Variants in CDYL observed in about 807,000 individuals in gnomAD.
CDYL encodes the protein chromodomain Y like, also known as chromodomain Y-like protein.
In CDYL, 8 loss-of-function variants were observed where a neutral mutation model predicts 47.3. The ratio of observed to expected loss-of-function variants is 0.17; its 90% confidence interval spans 0.10 to 0.31. The LOEUF is 0.31. Among genes scored for constraint, CDYL ranks in the 10% least tolerant of loss-of-function variants. CDYL has a pLI of 1.00. For missense variants in CDYL, 471 were observed against 701.4 expected, an observed-to-expected ratio of 0.67 and a Z score of 3.71; for synonymous variants, 266 against 265.0, an observed-to-expected ratio of 1.00 and a Z score of -0.04.
intron 1 of CDYL, among the ~76,000 whole-genome samples, chr6:4,794,927 A>ATC (rs1759027874): frequency 6.6e-6 from 1 of 152,104 alleles, no homozygotes; most frequent in Non-Finnish European, 1.5e-5. Flanking sequence ...TTAGATTTAT[A>ATC]TGTAGACAAT....
intron 1 of CDYL, among the ~76,000 whole-genome samples, chr6:4,881,609 G>T (rs1419571093): frequency 6.6e-6 from 1 of 152,090 alleles, no homozygotes; most frequent in Non-Finnish European, 1.5e-5. Flanking sequence ...TTTCTTATTT[G>T]TGCTATTGTT....
intron 2 of CDYL, among the ~76,000 whole-genome samples, chr6:4,716,246 CAAA>C (rs35962503): frequency 0.31 from 37,653 of 121,028 alleles, 5,100 homozygotes; most frequent in African/African-American, 0.39. Context: ...GACTCCATCT[CAAA>C]AAAAAAAAAA....
rs372821290 is a variant in CDYL at position 4,954,682 on chromosome 6, A to G, written c.*626A>G. The G allele has an allele frequency of 2.6e-5, 4 of 152,512 alleles. No homozygotes were observed. The highest frequency in any genetic ancestry group is 6.5e-5 in the Admixed American group (1 of 15,284). 9.4% of individuals were successfully genotyped at this position (152,512 alleles called of 1,614,324 possible). On this transcript the variant is annotated 3_prime_UTR_variant, in exon 7 of 7. Coordinates refer to ENST00000397588, the MANE Select transcript of CDYL (RefSeq NM_004824.4). The stretch of plus-strand genomic sequence containing the variant: ...GCTTAGGATTCATGCTGAGATATCA[A>G]TTGGTTTCCCCTTCTTTTTAAAATA...
chr6:4,836,792 G>C (rs1240501788), intron 1 of CDYL, among the ~76,000 whole-genome samples: 1 of 152,202 alleles, frequency 6.6e-6, no homozygotes, highest in Non-Finnish European at 1.5e-5. Context: ...GTGCGAGGAA[G>C]GGCAGTGAGT....
intron 1 of CDYL, among the ~76,000 whole-genome samples, chr6:4,706,915 C>A (rs1757056164): frequency 6.6e-6 from 1 of 152,132 alleles, no homozygotes; most frequent in Non-Finnish European, 1.5e-5. Context: ...AGTGGGGACT[C>A]GCCAAAAGCT....
rs538727289 is a variant in CDYL at position 4,779,817 on chromosome 6, C to A, written c.24+3010C>A. On this transcript the variant is annotated intron_variant, in intron 1 of 6. Transcript: ENST00000397588. ...GTTATATTATGGTCTTTGTTGCAAC[C>A]ACTCAGCTCACCTCATGTAGTGCAA... Among the ~76,000 whole-genome samples the A allele has an allele frequency of 7.9e-5, 12 of 152,280 alleles. No individual in the cohort carries two copies. In the East Asian group the frequency reaches 2.3e-3, roughly 29 times the overall value.
chr6:4,852,398 C>G (rs1313501456), intron 1 of CDYL, among the ~76,000 whole-genome samples: 1 of 123,434 alleles, frequency 8.1e-6, no homozygotes, highest in Non-Finnish European at 1.6e-5. Flanking sequence ...TCCTTCCTTC[C>G]TCCTTCCTTC....
chr6:4,865,876 T>C (rs1446155379), intron 1 of CDYL, among the ~76,000 whole-genome samples: 5 of 152,226 alleles, frequency 3.3e-5, no homozygotes, highest in Non-Finnish European at 5.9e-5. Flanking sequence ...AAGTAACTAG[T>C]AGATTGATCA....
rs115802576 is a variant in CDYL, at chr6:4,724,094, G to A, written c.103+8213G>A. 1.7e-3 allele frequency among the ~76,000 whole-genome samples: 266 copies of A among 152,306 alleles called. 1 individual carries two copies. Among genetic ancestry groups the A allele is most frequent in the African/African-American group, 6.1e-3 (252 of 41,576 alleles). ...TGCTCTGACACCCAGGCTCTGGAGT[G>A]CAGGGGCATGATCTTGGCTCACTAT... is the stretch of plus-strand genomic sequence containing the variant. On this transcript the variant is annotated intron_variant, in intron 2 of 8. Transcript: ENST00000328908.
At chr6:4,891,571 T>C in intron 1 of CDYL, 142 bp from the exon 2 acceptor site, 2 of 665,680 alleles carry the variant, frequency 3.0e-6, no homozygotes, top group Non-Finnish European at 5.1e-6. Flanking sequence ...AAATGGCCTA[T>C]TACTATTTTA....
chr6:4,870,525 G>T (rs1761442618), intron 1 of CDYL, among the ~76,000 whole-genome samples: 2 of 152,022 alleles, frequency 1.3e-5, no homozygotes, highest in African/African-American at 4.8e-5. Context: ...GAGCTTCTTG[G>T]ATCTATACAT....
upstream of CDYL, among the ~76,000 whole-genome samples, chr6:4,776,225 G>C (rs907016243): frequency 1.4e-5 from 2 of 138,094 alleles, no homozygotes; most frequent in East Asian, 2.2e-4. Context: ...GCTCGCTCCC[G>C]GCCCCGCCGG....
At chr6:4,933,288 G>A (rs1310174917) in intron 2 of CDYL, among the ~76,000 whole-genome samples, 1 of 152,112 alleles carries the variant, frequency 6.6e-6, no homozygotes, top group African/African-American at 2.4e-5. Context: ...TGTGCACTTT[G>A]GGCTATGCAC....
intron 3 of CDYL, among the ~76,000 whole-genome samples, chr6:4,755,036 G>T (rs1334934570): frequency 2.1e-5 from 3 of 145,542 alleles, no homozygotes; most frequent in East Asian, 3.9e-4. Flanking sequence ...TGTTGTTGTT[G>T]TTGTTGTTTT....
chr6:4,732,246 G>A (rs1206656136), intron 2 of CDYL, among the ~76,000 whole-genome samples: 1 of 152,126 alleles, frequency 6.6e-6, no homozygotes, highest in Admixed American at 6.6e-5. Flanking sequence ...GAGGCGGGAG[G>A]ATTGCTTGAG....
At chr6:4,833,335 G>A (rs1293884610) in intron 1 of CDYL, among the ~76,000 whole-genome samples, 4 of 151,202 alleles carry the variant, frequency 2.6e-5, no homozygotes, top group Non-Finnish European at 5.9e-5. Flanking sequence ...TATGTCCCCA[G>A]TAGTCATTCA....
At chr6:4,926,836 T>G (rs1757888817) in intron 2 of CDYL, among the ~76,000 whole-genome samples, 1 of 152,126 alleles carries the variant, frequency 6.6e-6, no homozygotes. Flanking sequence ...TTTTTTCATG[T>G]ATGATTTTGG....
At chr6:4,710,853 G>A (rs1849565) in intron 1 of CDYL, among the ~76,000 whole-genome samples, 152,005 of 152,082 alleles carry the variant, frequency 1, 75,965 homozygotes, top group Non-Finnish European at 1. Flanking sequence ...CATGCTGACC[G>A]TAGCTAATAA....
chr6:4,862,026 C>T (rs1761183599), intron 1 of CDYL, among the ~76,000 whole-genome samples: 1 of 152,170 alleles, frequency 6.6e-6, no homozygotes. Context: ...CTGCCTCCTC[C>T]CCGACCCCTA....
Sources: allele counts gnomAD v4.1 joint callset (sites outside exome capture counted in the v4.1 genomes callset), GRCh38; gene constraint gnomAD v4.1.1; transcripts MANE v1.5; gene names NCBI Gene and HGNC (gene_info 2026-07-23, HGNC 2026-07-21).